The following DPYD variants were observed in gnomAD, a reference collection of about 807,000 sequenced individuals.
DPYD encodes dihydropyrimidine dehydrogenase.
Under a neutral mutation model 116.2 loss-of-function variants are expected in DPYD, and 109 were observed. That is an observed-to-expected ratio of 0.94 (90% CI 0.80 to 1.10). The LOEUF (loss-of-function observed/expected upper bound fraction) is 1.10. Ranked by LOEUF, DPYD falls within the 50% of genes least tolerant of loss-of-function variation. The probability of loss-of-function intolerance (pLI) is 0.00; values close to 1 mark genes in which losing one functional copy is unlikely to be tolerated. For synonymous variants in DPYD, 440 were observed against 432.0 expected (o/e 1.02, Z -0.23); for missense variants, 1,302 against 1,254.5 (o/e 1.04, Z -0.57).
intron 19 of DPYD, among the ~76,000 whole-genome samples, chr1:97,222,093 A>C (rs1309315890): frequency 6.6e-6 from 1 of 152,146 alleles, no homozygotes; most frequent in Non-Finnish European, 1.5e-5. Flanking sequence ...AAGAATATCT[A>C]AACAACTGAG....
At chr1:97,773,726 G>C (rs1666258996) in intron 3 of DPYD, among the ~76,000 whole-genome samples, 1 of 152,170 alleles carries the variant, frequency 6.6e-6, no homozygotes, top group Non-Finnish European at 1.5e-5. Flanking sequence ...AGGGTGGTTG[G>C]AGAAGAGCCC....
At chr1:97,471,086 A>C (rs1423551222) in intron 13 of DPYD, among the ~76,000 whole-genome samples, 1 of 152,228 alleles carries the variant, frequency 6.6e-6, no homozygotes, top group Non-Finnish European at 1.5e-5. Context: ...AATGCAGAAC[A>C]ACAATGCAGA....
chr1:97,358,451 G>T (rs1262523489), intron 16 of DPYD, among the ~76,000 whole-genome samples: 1 of 152,200 alleles, frequency 6.6e-6, no homozygotes, highest in East Asian at 1.9e-4. Context: ...GAGAGCAGTG[G>T]TTCTCCCAGC....
At chr1:97,877,351 G>A (rs532976896) in intron 2 of DPYD, among the ~76,000 whole-genome samples, 6 of 151,984 alleles carry the variant, frequency 3.9e-5, no homozygotes, top group East Asian at 2.0e-4. Context: ...GTATCAGCTC[G>A]CAGAAATAAG....
intron 3 of DPYD, among the ~76,000 whole-genome samples, chr1:97,754,096 CA>C (rs991107291): frequency 1.2e-4 from 18 of 152,104 alleles, no homozygotes; most frequent in African/African-American, 4.3e-4. Flanking sequence ...GTGGAAATTT[CA>C]GGAAATTAAT....
At chr1:97,542,954 T>C (rs1417123929) in intron 12 of DPYD, among the ~76,000 whole-genome samples, 1 of 152,154 alleles carries the variant, frequency 6.6e-6, no homozygotes, top group African/African-American at 2.4e-5. Context: ...ATTTGCCATC[T>C]TTTTCCTGAT....
intron 10 of DPYD, among the ~76,000 whole-genome samples, chr1:97,587,657 C>T (rs889556890): frequency 9.9e-5 from 15 of 151,722 alleles, no homozygotes; most frequent in African/African-American, 3.6e-4. Flanking sequence ...AACCCCGTTT[C>T]GAACTTAAAA....
chr1:97,765,472 G>A (rs533970695), intron 3 of DPYD, among the ~76,000 whole-genome samples: 1 of 152,278 alleles, frequency 6.6e-6, no homozygotes, highest in East Asian at 1.9e-4. Flanking sequence ...AGCTAGGACA[G>A]TCAACACAGA....
intron 8 of DPYD, among the ~76,000 whole-genome samples, chr1:97,622,460 G>T (rs1656685486): frequency 6.6e-6 from 1 of 151,800 alleles, no homozygotes; most frequent in Non-Finnish European, 1.5e-5. Context: ...AAAAACCATT[G>T]CAACCAAAAA....
At chr1:97,691,619 T>C in intron 7 of DPYD, 98 bp downstream of exon 7, 2 of 1,074,064 alleles carry the variant, frequency 1.9e-6, no homozygotes, top group Non-Finnish European at 2.8e-6. Flanking sequence ...CTTTTAATTG[T>C]TCTTTCCTAA....
intron 20 of DPYD, among the ~76,000 whole-genome samples, chr1:97,101,794 A>G (rs891102247): frequency 1.3e-5 from 2 of 152,020 alleles, no homozygotes; most frequent in Non-Finnish European, 2.9e-5. Flanking sequence ...AAACAAAGGA[A>G]AAAGTTCTTT....
At chr1:97,112,872 C>G (rs562622277) in intron 20 of DPYD, among the ~76,000 whole-genome samples, 1 of 152,196 alleles carries the variant, frequency 6.6e-6, no homozygotes, top group African/African-American at 2.4e-5. Context: ...ATGACATCAG[C>G]CTGTCTATTA....
chr1:97,087,622 G>C (rs1649609346), intron 21 of DPYD, among the ~76,000 whole-genome samples: 2 of 152,196 alleles, frequency 1.3e-5, no homozygotes, highest in African/African-American at 2.4e-5. Context: ...AGTTGGTTCA[G>C]TACCTGTCTG....
At chr1:97,328,070 G>A (rs147421917) in intron 16 of DPYD, among the ~76,000 whole-genome samples, 13 of 152,212 alleles carry the variant, frequency 8.5e-5, no homozygotes, top group African/African-American at 2.9e-4. Flanking sequence ...GTTGATGCAC[G>A]ATACCCATCC....
At chr1:97,765,894 A>G (rs1011674390) in intron 3 of DPYD, among the ~76,000 whole-genome samples, 2 of 152,214 alleles carry the variant, frequency 1.3e-5, no homozygotes, top group African/African-American at 4.8e-5. Flanking sequence ...AGGCTGAATA[A>G]TGAAATGATC....
At chr1:97,323,552 T>G (rs1365674161) in intron 16 of DPYD, among the ~76,000 whole-genome samples, 2 of 87,678 alleles carry the variant, frequency 2.3e-5, no homozygotes, top group African/African-American at 7.2e-5. Flanking sequence ...TATATATACA[T>G]ATATGTGTAT....
chr1:97,747,147 T>A (rs1244272963), intron 3 of DPYD, among the ~76,000 whole-genome samples: 3 of 152,044 alleles, frequency 2.0e-5, no homozygotes, highest in Non-Finnish European at 4.4e-5. Flanking sequence ...ATTACAACTA[T>A]TAGAAGTAAT....
intron 20 of DPYD, among the ~76,000 whole-genome samples, chr1:97,133,860 G>A (rs2101675760): frequency 6.6e-6 from 1 of 150,936 alleles, no homozygotes; most frequent in South Asian, 2.1e-4. Context: ...TTAGCCAGGT[G>A]TTACGGCATG....
chr1:97,091,666 C>G (rs763433692), intron 21 of DPYD, among the ~76,000 whole-genome samples: 8 of 152,046 alleles, frequency 5.3e-5, no homozygotes, highest in Non-Finnish European at 1.2e-4. Context: ...AACTGTGGCT[C>G]CTAGAATTTG....
Sources: gnomAD v4.1 joint callset for allele counts (sites outside exome capture counted in the v4.1 genomes callset) on GRCh38, gnomAD v4.1.1 for gene constraint, MANE v1.5 for transcripts, NCBI Gene and HGNC (gene_info 2026-07-23, HGNC 2026-07-21) for gene names.